The following ACACA variants were observed in gnomAD, a reference collection of about 807,000 sequenced individuals.
ACACA encodes the protein acetyl-CoA carboxylase alpha.
A neutral mutation model predicts 296.1 loss-of-function variants in ACACA; 103 were observed. The observed-to-expected ratio is 0.35, with a 90% CI of 0.30 to 0.41. ACACA has a LOEUF of 0.41. ACACA is among the 10% of genes least tolerant of loss of function. The pLI, the probability that ACACA is intolerant of heterozygous loss-of-function variation, is 1.00. For missense variants in ACACA, 1,554 were observed against 2,989.7 expected (o/e 0.52, Z 11.20); for synonymous variants, 953 against 1,038.6 (o/e 0.92, Z 1.58).
At chr17:37,320,648 A>G (rs528640734) in intron 3 of ACACA, among the ~76,000 whole-genome samples, 1 of 151,478 alleles carries the variant, frequency 6.6e-6, no homozygotes, top group South Asian at 2.1e-4. Flanking sequence ...TTCCCCATCC[A>G]TAAATTGTGG....
intron 27 of ACACA, 143 bp from the exon 28 acceptor site, chr17:37,223,744 G>T: frequency 1.5e-6 from 1 of 683,628 alleles, no homozygotes. Flanking sequence ...AGCTTCCTGA[G>T]CTACAAAATG....
intron 50 of ACACA, among the ~76,000 whole-genome samples, chr17:37,119,864 CTT>C (rs1325973019): frequency 2.0e-5 from 3 of 150,270 alleles, no homozygotes; most frequent in African/African-American, 7.4e-5. Flanking sequence ...TTTTGTATGT[CTT>C]AAGTATTTTC....
intron 3 of ACACA, among the ~76,000 whole-genome samples, chr17:37,293,805 G>T (rs984974795): frequency 1.3e-5 from 2 of 152,128 alleles, no homozygotes; most frequent in African/African-American, 4.8e-5. Flanking sequence ...CTTCCAAAGT[G>T]CTGGGATTAT....
intron 1 of ACACA, among the ~76,000 whole-genome samples, chr17:37,381,312 A>G (rs115242921): frequency 0.012 from 1,751 of 151,750 alleles, 50 homozygotes; most frequent in African/African-American, 0.038. Context: ...CAGCTTTCCA[A>G]TTAGCTGGGA....
chr17:37,098,009 C>T (rs776718700), intron 52 of ACACA, 25 bp from the exon 53 acceptor site: 4 of 1,614,126 alleles, frequency 2.5e-6, no homozygotes, highest in Non-Finnish European at 3.4e-6. Context: ...ACATGCCCGT[C>T]ACACTCTGTA....
chr17:37,298,414 A>G (rs1008014305), intron 3 of ACACA, among the ~76,000 whole-genome samples: 4 of 152,222 alleles, frequency 2.6e-5, no homozygotes, highest in Non-Finnish European at 5.9e-5. Context: ...GATGCCAGGC[A>G]CAGTGGCCTG....
intron 28 of ACACA, 54 bp from the exon 29 acceptor site, chr17:37,221,896 A>G: frequency 1.4e-6 from 2 of 1,476,644 alleles, no homozygotes; most frequent in Non-Finnish European, 1.9e-6. Context: ...AATTAAGAAA[A>G]TAGCCCAGAA....
chr17:37,402,917 C>G (rs979292942), intron 1 of ACACA, among the ~76,000 whole-genome samples: 1 of 152,190 alleles, frequency 6.6e-6, no homozygotes, highest in African/African-American at 2.4e-5. Flanking sequence ...CGTGATCCGC[C>G]CGCCTCAGCC....
Position 37,333,038 on chromosome 17 carries a change from G to C in ACACA, c.86-2613C>G, listed in dbSNP as rs371363934. On this transcript the variant is annotated intron_variant, in intron 2 of 55. Coordinates refer to ENST00000616317, the MANE Select transcript of ACACA (RefSeq NM_198834.3). ...GTAGAAAAAGGACTTTGAAAAGTGG[G>C]GTATGCAGTGGTCAGTGATAATGGA... 1.5e-3 allele frequency among the ~76,000 whole-genome samples: 234 copies of C among 152,246 alleles called. 6 individuals carry two copies. In the South Asian group the frequency reaches 0.047, roughly 30 times the overall value.
intron 1 of ACACA, among the ~76,000 whole-genome samples, chr17:37,404,512 C>A (rs187406947): frequency 6.6e-6 from 1 of 151,810 alleles, no homozygotes; most frequent in Non-Finnish European, 1.5e-5. Flanking sequence ...ACCACTTCAC[C>A]AGGCAAAGGG....
At chr17:37,350,260 G>A (rs1868966494) in intron 1 of ACACA, among the ~76,000 whole-genome samples, 1 of 151,860 alleles carries the variant, frequency 6.6e-6, no homozygotes, top group Non-Finnish European at 1.5e-5. Flanking sequence ...GATTCCAGGA[G>A]GTCGAGGCTG....
intron 2 of ACACA, among the ~76,000 whole-genome samples, chr17:37,335,982 G>C (rs1319303690): frequency 6.6e-6 from 1 of 151,636 alleles, no homozygotes; most frequent in African/African-American, 2.4e-5. Context: ...CTGGACCCTG[G>C]GGCCTCCTCA....
chr17:37,189,859 A>C (rs1376507959), intron 38 of ACACA, among the ~76,000 whole-genome samples: 1 of 152,114 alleles, frequency 6.6e-6, no homozygotes, highest in Non-Finnish European at 1.5e-5. Flanking sequence ...ACTACTTCTC[A>C]GATCTCAGAT....
At chr17:37,360,037 C>T (rs911748287) in intron 1 of ACACA, among the ~76,000 whole-genome samples, 1 of 152,124 alleles carries the variant, frequency 6.6e-6, no homozygotes, top group African/African-American at 2.4e-5. Context: ...CACGCCGAGC[C>T]TTTGAGAGGA....
chr17:37,160,926 G>C (rs770196719), intron 42 of ACACA, among the ~76,000 whole-genome samples: 14 of 152,162 alleles, frequency 9.2e-5, no homozygotes, highest in Non-Finnish European at 1.8e-4. Flanking sequence ...GAGGATGGAG[G>C]GGGTAGCAAA....
chr17:37,128,023 T>TAAAAAAAAAAAAAAAAAAAAAAAAAAAA lies in ACACA; in HGVS notation c.5944+1341_5944+1342insTTTTTTTTTTTTTTTTTTTTTTTTTTTT. Among the ~76,000 whole-genome samples, 2 of 22,558 alleles carry TAAAAAAAAAAAAAAAAAAAAAAAAAAAA rather than the reference T, an allele frequency of 8.9e-5. 1 individual carries two copies. The highest frequency in any genetic ancestry group is 1.8e-3 in the East Asian group (2 of 1,092). The allele number at this position is 22,558 out of a possible 152,430, so 14.8% of individuals were successfully genotyped here. On this transcript the variant is annotated intron_variant, in intron 47 of 55. Transcript: ENST00000616317. ...TGGAGGACAAGAGTGAAACTCCATC[T>TAAAAAAAAAAAAAAAAAAAAAAAAAAAA]CAAAAAAAAAAAAAAAAAAAAAAAA...
At chr17:37,142,527 A>T (rs2075633750) in intron 45 of ACACA, among the ~76,000 whole-genome samples, 1 of 152,230 alleles carries the variant, frequency 6.6e-6, no homozygotes, top group Non-Finnish European at 1.5e-5. Flanking sequence ...TAAAGCAAGG[A>T]TTACTCAGAA....
intron 31 of ACACA, 148 bp from the exon 32 acceptor site, chr17:37,207,027 T>G (rs2078533867): frequency 1.3e-6 from 1 of 750,800 alleles, no homozygotes; most frequent in South Asian, 1.6e-5. Flanking sequence ...AGAGGTGACA[T>G]GCAAAATTTC....
chr17:37,165,905 G>A (rs907775619), intron 41 of ACACA, among the ~76,000 whole-genome samples: 1 of 151,918 alleles, frequency 6.6e-6, no homozygotes, highest in Non-Finnish European at 1.5e-5. Context: ...TCAAACTCCT[G>A]GCCTCAAGCC....
Sources: allele counts gnomAD v4.1 joint callset (sites outside exome capture counted in the v4.1 genomes callset), GRCh38; gene constraint gnomAD v4.1.1; transcripts MANE v1.5; gene names NCBI Gene and HGNC (gene_info 2026-07-23, HGNC 2026-07-21).